ATP6V1G1: variants seen among roughly 807,000 people sequenced by gnomAD.
ATP6V1G1 encodes V-type proton ATPase subunit G 1.
A neutral mutation model predicts 14.2 loss-of-function variants in ATP6V1G1; 14 were observed. The observed-to-expected ratio is 0.99, with a 90% CI of 0.65 to 1.55. The LOEUF is 1.55. ATP6V1G1 is among the 40% of genes most tolerant of loss of function. The probability of loss-of-function intolerance (pLI) is 0.00; values close to 1 mark genes in which losing one functional copy is unlikely to be tolerated. For missense variants in ATP6V1G1, 137 were observed against 146.4 expected, an observed-to-expected ratio of 0.94 and a Z score of 0.33; for synonymous variants, 65 against 53.3, an observed-to-expected ratio of 1.22 and a Z score of -0.96.
In ATP6V1G1 at chr9:114,598,129, C is replaced by A. The variant is rs1309070940; in HGVS notation, c.*386C>A. ...AAATAATTTTTTTCCCTAACACTTTCTTGAAGGTCAGGGGCTTTATCTATG... is the reference window on the plus strand; with the variant it reads ...AAATAATTTTTTTCCCTAACACTTTATTGAAGGTCAGGGGCTTTATCTATG... On this transcript the variant is annotated 3_prime_UTR_variant, in exon 3 of 3. Transcript: ENST00000374050. 8 of 152,056 alleles carry A rather than the reference C, an allele frequency of 5.3e-5. No individual in the cohort carries two copies. Among genetic ancestry groups the A allele is most frequent in the Admixed American group, 4.6e-4 (7 of 15,170 alleles). 9.4% of individuals were successfully genotyped at this position (152,056 alleles called of 1,614,324 possible).
chr9:114,587,998 G>C, intron 1 of ATP6V1G1, 78 bp downstream of exon 1: 1 of 1,489,970 alleles, frequency 6.7e-7, no homozygotes, highest in Non-Finnish European at 9.1e-7. Context: ...GGGTAGATTA[G>C]GCCCGAAAAA....
At chr9:114,596,189 C>T (rs1021830426) in intron 2 of ATP6V1G1, among the ~76,000 whole-genome samples, 21 of 152,130 alleles carry the variant, frequency 1.4e-4, no homozygotes, top group Middle Eastern at 3.4e-3. Flanking sequence ...CGAGACCATC[C>T]TGGCTAATAT....
At position 114,598,509 on chromosome 9, in the gene ATP6V1G1, A is replaced by G. The variant is rs527297730; in HGVS notation, c.*766A>G. The G allele has an allele frequency of 2.6e-4, 39 of 152,532 alleles. No homozygotes were observed. Among genetic ancestry groups the G allele is most frequent in the Admixed American group, 2.1e-3 (32 of 15,292 alleles). 9.4% of individuals were successfully genotyped at this position (152,532 alleles called of 1,614,324 possible). On this transcript the variant is annotated 3_prime_UTR_variant, in exon 3 of 3. Transcript: ENST00000374050. ...ACATTAGCACACAAATAGCACACAT[A>G]TCACATACCCATTTATATACATAAT...
At chr9:114,590,339 A>C (rs2133557091) in intron 1 of ATP6V1G1, among the ~76,000 whole-genome samples, 1 of 149,028 alleles carries the variant, frequency 6.7e-6, no homozygotes, top group Middle Eastern at 3.5e-3. Flanking sequence ...GGCTCACTGC[A>C]TCCTCCACCT....
chr9:114,597,116 G>A (rs1300801120), intron 2 of ATP6V1G1, among the ~76,000 whole-genome samples: 3 of 146,766 alleles, frequency 2.0e-5, no homozygotes, highest in Admixed American at 7.0e-5. Context: ...TCAGCCTCCC[G>A]AGTAGCTGGG....
Position 114,597,565 on chromosome 9 carries a change from T to C in ATP6V1G1, c.184-5T>C. ...TCCCTCCGTGACATCACTCCCCATC[T>C]CCAGGCATTGGGATCCCGTGGCAGT... is the stretch of plus-strand genomic sequence containing the variant. On this transcript the variant is annotated splice_polypyrimidine_tract_variant and splice_region_variant and intron_variant, in intron 2 of 2. Coordinates refer to ENST00000374050, the MANE Select transcript of ATP6V1G1 (RefSeq NM_004888.4). The C allele has an allele frequency of 6.7e-7, 1 of 1,492,378 alleles. No homozygotes were observed. The highest frequency in any genetic ancestry group is 1.4e-5 in the South Asian group (1 of 71,418). The allele number at this position is 1,492,378 out of a possible 1,614,324, so 92.4% of individuals were successfully genotyped here.
intron 1 of ATP6V1G1, among the ~76,000 whole-genome samples, chr9:114,590,957 G>A (rs1009349772): frequency 4.9e-4 from 75 of 152,068 alleles, no homozygotes; most frequent in African/African-American, 1.7e-3. Context: ...CACCATGCCC[G>A]GCTAGTTTTT....
In ATP6V1G1 at chr9:114,590,260, A is replaced by AT. The variant is rs71492788; in HGVS notation, c.83-2275dup. 3.9e-3 allele frequency among the ~76,000 whole-genome samples: 506 copies of AT among 129,546 alleles called. 7 individuals are homozygous for AT. Among genetic ancestry groups the AT allele is most frequent in the Middle Eastern group, 0.021 (5 of 242 alleles). 85.0% of individuals were successfully genotyped at this position (129,546 alleles called of 152,430 possible). On this transcript the variant is annotated intron_variant, in intron 1 of 2. Coordinates refer to ENST00000374050, the MANE Select transcript of ATP6V1G1 (RefSeq NM_004888.4). Reference sequence around the variant, plus strand: ...AGTTTATGGCTTACATACTTCTCAGATTTTTTTTTTTTTTTTTGAGACAGA... The same window carrying AT: ...AGTTTATGGCTTACATACTTCTCAGATTTTTTTTTTTTTTTTTTGAGACAGA...
At chr9:114,595,125 C>G (rs947827467) in intron 2 of ATP6V1G1, among the ~76,000 whole-genome samples, 1 of 151,880 alleles carries the variant, frequency 6.6e-6, no homozygotes, top group Non-Finnish European at 1.5e-5. Context: ...GCCTCAGCCT[C>G]CCAAAGTGCA....
At chr9:114,588,350 CTT>C (rs1041698120) in intron 1 of ATP6V1G1, among the ~76,000 whole-genome samples, 9 of 152,072 alleles carry the variant, frequency 5.9e-5, no homozygotes, top group African/African-American at 2.2e-4. Context: ...GCTTGCGTAT[CTT>C]TCACTTTTTC....
rs1491566641 is a variant in ATP6V1G1 at position 114,596,987 on chromosome 9, T to TTTTATTC, written c.184-580_184-579insATTCTTT. On this transcript the variant is annotated intron_variant, in intron 2 of 2. Coordinates refer to ENST00000374050, the MANE Select transcript of ATP6V1G1 (RefSeq NM_004888.4). ...TTGGTTAAGGCTATATAGCAGATTC[T>TTTTATTC]TTTTTTTTTTTTTTTTTTTTTGAGA... Among the ~76,000 whole-genome samples, 4 of 70,992 alleles carry TTTTATTC rather than the reference T, an allele frequency of 5.6e-5. No individual in the cohort carries two copies. In the South Asian group the frequency reaches 2.1e-3, roughly 38 times the overall value. 46.6% of individuals were successfully genotyped at this position (70,992 alleles called of 152,430 possible). A position where few individuals can be genotyped will look rare whatever the true frequency, so the allele number is the denominator to read the frequency against.
intron 2 of ATP6V1G1, among the ~76,000 whole-genome samples, chr9:114,596,877 T>C (rs554064293): frequency 4.6e-5 from 7 of 152,318 alleles, no homozygotes; most frequent in African/African-American, 1.7e-4. Context: ...TTCCCCCTCC[T>C]TAAGCTGTAT....
intron 2 of ATP6V1G1, among the ~76,000 whole-genome samples, chr9:114,594,947 C>T (rs1264945815): frequency 1.3e-5 from 2 of 149,190 alleles, no homozygotes; most frequent in African/African-American, 5.0e-5. Context: ...GCATCCCCCA[C>T]CTCCCAGGTT....
rs571906143 is a variant in ATP6V1G1, at chr9:114,587,800, C to A, written c.-39C>A. Reference sequence around the variant, plus strand: ...GCTGACCCAAGGGGCCTTCGAGGTGCCTTAGGCCGCTTGCCTTGCTCTCAG... The same window carrying A: ...GCTGACCCAAGGGGCCTTCGAGGTGACTTAGGCCGCTTGCCTTGCTCTCAG... On this transcript the variant is annotated 5_prime_UTR_variant, in exon 1 of 3. Coordinates refer to ENST00000374050, the MANE Select transcript of ATP6V1G1 (RefSeq NM_004888.4). 25 of 1,558,104 alleles carry A rather than the reference C, an allele frequency of 1.6e-5. No individual in the cohort carries two copies. In the South Asian group the frequency reaches 2.7e-4, roughly 17 times the overall value.
chr9:114,592,716 A>G (rs1320127125), intron 2 of ATP6V1G1, 64 bp downstream of exon 2: 2 of 1,501,576 alleles, frequency 1.3e-6, no homozygotes, highest in African/African-American at 2.8e-5. Flanking sequence ...CAAGGCTTTC[A>G]GAATATCCAG....
chr9:114,590,440 C>T (rs1845172015), intron 1 of ATP6V1G1, among the ~76,000 whole-genome samples: 1 of 151,608 alleles, frequency 6.6e-6, no homozygotes, highest in Non-Finnish European at 1.5e-5. Context: ...AATACAAAAA[C>T]ATATAAATTA....
chr9:114,592,402 T>C lies in ATP6V1G1; in HGVS notation c.83-150T>C, dbSNP rs540664809. ...ATAGGAGGGAGGAACCTGTACTGTT[T>C]GTTAGCTCTGAATTCCCTCTTTCCC... On this transcript the variant is annotated intron_variant, in intron 1 of 2. Transcript: ENST00000374050. 40 of 753,026 alleles carry C rather than the reference T, an allele frequency of 5.3e-5. No individual in the cohort carries two copies. The African/African-American group carries it at 5.8e-4, about 11-fold the overall frequency. 46.6% of individuals were successfully genotyped at this position (753,026 alleles called of 1,614,324 possible). A position where few individuals can be genotyped will look rare whatever the true frequency, so the allele number is the denominator to read the frequency against.
chr9:114,588,510 A>AGTGTGTGTGTGTGTGTGT (rs66783144), intron 1 of ATP6V1G1, among the ~76,000 whole-genome samples: 1 of 147,086 alleles, frequency 6.8e-6, no homozygotes, highest in Admixed American at 6.8e-5. Flanking sequence ...TGGCAAGCGC[A>AGTGTGTGTGTGTGTGTGT]GTGTGTGTGT....
At position 114,597,669 on chromosome 9, in the gene ATP6V1G1, G is replaced by A; in HGVS notation, c.283G>A (p.Val95Ile). The A allele has an allele frequency of 6.3e-7, 1 of 1,597,004 alleles. No individual in the cohort carries two copies. Among genetic ancestry groups the A allele is most frequent in the Non-Finnish European group, 8.5e-7 (1 of 1,173,660 alleles). The change falls in exon 3 of 3, where the codon GTC (valine) becomes ATC (isoleucine). Residue 95 changes from valine to isoleucine, a missense_variant. Transcript: ENST00000374050. ...QTYFRQNRDE[V>I]LDNLLAFVCD... ...ATACTTCCGGCAGAACAGGGATGAA[G>A]TCTTGGACAACCTCTTGGCTTTTGT...
Sources: gnomAD v4.1 joint callset for allele counts (sites outside exome capture counted in the v4.1 genomes callset) on GRCh38, gnomAD v4.1.1 for gene constraint, MANE v1.5 for transcripts, NCBI Gene and HGNC (gene_info 2026-07-23, HGNC 2026-07-21) for gene names.